Variants in ATRN observed in about 807,000 individuals in gnomAD.
The protein encoded by ATRN is attractin-2.
In ATRN, 54 loss-of-function variants were observed where a neutral mutation model predicts 178.7. That is an observed-to-expected ratio of 0.30 (90% CI 0.24 to 0.38). The LOEUF is 0.38. ATRN is among the 10% of genes least tolerant of loss of function. The pLI, the probability that ATRN is intolerant of heterozygous loss-of-function variation, is 1.00. For missense variants in ATRN, 1,443 were observed against 1,815.1 expected, an observed-to-expected ratio of 0.79 and a Z score of 3.73; for synonymous variants, 636 against 663.0, an observed-to-expected ratio of 0.96 and a Z score of 0.63.
chr20:3,621,082 A>G (rs1487311980), intron 24 of ATRN, among the ~76,000 whole-genome samples: 1 of 152,148 alleles, frequency 6.6e-6, no homozygotes, highest in Non-Finnish European at 1.5e-5. Context: ...AGGGAAGCCA[A>G]AAGATTGGAC....
rs547852419 is a variant in ATRN at position 3,491,248 on chromosome 20, A to G, written c.410+19731A>G. ...TTACAACAAAACTCCTGCAAATGAA[A>G]TTGTTCTCTTGTTAACATCTCCTAC... On this transcript the variant is annotated intron_variant, in intron 1 of 28. Transcript: ENST00000262919. Among the ~76,000 whole-genome samples the G allele has an allele frequency of 4.6e-5, 7 of 152,250 alleles. No individual in the cohort carries two copies. In the East Asian group the frequency reaches 1.4e-3, roughly 29 times the overall value.
intron 3 of ATRN, among the ~76,000 whole-genome samples, chr20:3,541,320 G>A (rs996743552): frequency 2.0e-4 from 31 of 151,846 alleles, no homozygotes; most frequent in African/African-American, 5.8e-4. Context: ...CTCGTGATCC[G>A]CCCGCCTCGG....
At chr20:3,508,965 G>A (rs1311679762) in intron 1 of ATRN, among the ~76,000 whole-genome samples, 1 of 151,590 alleles carries the variant, frequency 6.6e-6, no homozygotes, top group African/African-American at 2.4e-5. Flanking sequence ...TAAAAGTAAA[G>A]GTAATAGCAA....
At chr20:3,642,576 C>T (rs539629371) in intron 27 of ATRN, among the ~76,000 whole-genome samples, 16 of 152,254 alleles carry the variant, frequency 1.1e-4, no homozygotes, top group African/African-American at 3.1e-4. Flanking sequence ...TCTAGGCCAC[C>T]GCTGTCTCTC....
At chr20:3,613,339 G>A (rs1265472191) in intron 24 of ATRN, among the ~76,000 whole-genome samples, 1 of 152,202 alleles carries the variant, frequency 6.6e-6, no homozygotes, top group African/African-American at 2.4e-5. Flanking sequence ...TCGCATGAGA[G>A]CCTGGTTGAC....
chr20:3,585,242 G>C (rs1229968809), intron 18 of ATRN, among the ~76,000 whole-genome samples: 1 of 152,154 alleles, frequency 6.6e-6, no homozygotes, highest in African/African-American at 2.4e-5. Flanking sequence ...TTGACAACAG[G>C]GCTGTTTGTG....
chr20:3,496,446 A>G (rs2084880287), intron 1 of ATRN, among the ~76,000 whole-genome samples: 2 of 151,950 alleles, frequency 1.3e-5, no homozygotes, highest in Admixed American at 6.6e-5. Context: ...TTCAGTTTCC[A>G]TGTAGTTGAG....
chr20:3,602,879 C>T (rs931446941), intron 23 of ATRN, among the ~76,000 whole-genome samples: 4 of 138,444 alleles, frequency 2.9e-5, no homozygotes, highest in African/African-American at 8.2e-5. Context: ...AGGAGAATTG[C>T]TTGAACCTGG....
intron 1 of ATRN, chr20:3,490,202 T>A: frequency 6.6e-7 from 1 of 1,523,600 alleles, no homozygotes; most frequent in Admixed American, 1.7e-5. Flanking sequence ...TCCGCCACAT[T>A]TCAAGCCTAA....
At chr20:3,612,098 C>G (rs1016369897) in intron 24 of ATRN, among the ~76,000 whole-genome samples, 4 of 152,110 alleles carry the variant, frequency 2.6e-5, no homozygotes, top group African/African-American at 9.7e-5. Flanking sequence ...TAGCCCAAAA[C>G]TGGAAACAAG....
intron 1 of ATRN, among the ~76,000 whole-genome samples, chr20:3,510,504 T>A: frequency 6.6e-6 from 1 of 152,240 alleles, no homozygotes; most frequent in Non-Finnish European, 1.5e-5. Context: ...ATATTTGTAC[T>A]GCCTTTCTTT....
chr20:3,591,323 AG>A lies in ATRN; in HGVS notation c.3322+19del. ...AATGTCAGCGTAAGTCAAATTGGTCAGGTTTACTCATGGCAAATCGGTGTGG... is the reference window on the plus strand; with the variant it reads ...AATGTCAGCGTAAGTCAAATTGGTCAGTTTACTCATGGCAAATCGGTGTGG... On this transcript the variant is annotated intron_variant, in intron 19 of 28. Transcript: ENST00000262919. 2 of 1,610,266 alleles carry A rather than the reference AG, an allele frequency of 1.2e-6. No homozygotes were observed. Among genetic ancestry groups the A allele is most frequent in the Non-Finnish European group, 1.7e-6 (2 of 1,177,724 alleles).
chr20:3,549,211 T>C lies in ATRN; in HGVS notation c.985T>C (p.Trp329Arg). The C allele has an allele frequency of 6.2e-7, 1 of 1,610,670 alleles. No individual in the cohort carries two copies. Among genetic ancestry groups the C allele is most frequent in the Non-Finnish European group, 8.5e-7 (1 of 1,178,934 alleles). The change falls in exon 6 of 29, where the codon TGG becomes CGG. Residue 329 changes from tryptophan (W) to arginine (R), a missense_variant. Transcript: ENST00000262919. ...SVPVPANQSFWTREEYSNLKL... is the reference protein window; with the variant it reads ...SVPVPANQSFRTREEYSNLKL... ...TCCTGTACCAGCTAACCAGTCATTT[T>C]GGACTCGAGAGGAATATTCTAACTT...
chr20:3,584,501 T>G, intron 17 of ATRN, 146 bp from the exon 18 acceptor site: 1 of 668,938 alleles, frequency 1.5e-6, no homozygotes, highest in South Asian at 2.0e-5. Context: ...AATACTGGGC[T>G]CTTTACATTC....
At chr20:3,629,146 C>T (rs1284113755) in intron 25 of ATRN, 1 of 985,278 alleles carries the variant, frequency 1.0e-6, no homozygotes, top group Non-Finnish European at 1.2e-6. Flanking sequence ...CCCCACCCCA[C>T]CAACCCTAGC....
At chr20:3,526,065 G>T (rs2085360335) in intron 1 of ATRN, among the ~76,000 whole-genome samples, 1 of 152,102 alleles carries the variant, frequency 6.6e-6, no homozygotes, top group Admixed American at 6.6e-5. Context: ...TCAGACAAGA[G>T]AAAGAAATAA....
intron 1 of ATRN, among the ~76,000 whole-genome samples, chr20:3,533,005 A>G (rs1443923033): frequency 6.6e-6 from 1 of 151,876 alleles, no homozygotes; most frequent in Admixed American, 6.6e-5. Flanking sequence ...CTCGTGATCC[A>G]CCCGCCTTGG....
intron 1 of ATRN, 96 bp downstream of exon 1, chr20:3,471,613 G>C: frequency 7.5e-7 from 1 of 1,339,568 alleles, no homozygotes; most frequent in Admixed American, 4.1e-5. Context: ...ATGCTGGACA[G>C]AAAGTGGAGA....
intron 24 of ATRN, chr20:3,615,794 C>CA (rs1214509566): frequency 2.2e-6 from 1 of 452,812 alleles, no homozygotes; most frequent in African/African-American, 2.0e-5. Context: ...ATCGCAAGGA[C>CA]AAAAAACTGA....
Sources: gnomAD v4.1 joint callset for allele counts (sites outside exome capture counted in the v4.1 genomes callset) on GRCh38, gnomAD v4.1.1 for gene constraint, MANE v1.5 for transcripts, NCBI Gene and HGNC (gene_info 2026-07-23, HGNC 2026-07-21) for gene names.